MATCAP2: variants seen among roughly 807,000 people sequenced by gnomAD.
MATCAP2 encodes the protein putative tyrosine carboxypeptidase MATCAP2.
chr7:36,335,505 A>G, the MATCAP2 span, among the ~76,000 whole-genome samples: 1 of 152,256 alleles, frequency 6.6e-6, no homozygotes, highest in Non-Finnish European at 1.5e-5. Context: ...TACAGGTGCC[A>G]GAATCCAGCT....
the MATCAP2 span, among the ~76,000 whole-genome samples, chr7:36,332,441 G>A: frequency 3.2e-4 from 48 of 152,270 alleles, no homozygotes; most frequent in Admixed American, 3.1e-3. Flanking sequence ...CCTGGAATTG[G>A]CTATGCACAC....
the MATCAP2 span, among the ~76,000 whole-genome samples, chr7:36,350,743 G>C: frequency 1.3e-5 from 2 of 152,036 alleles, no homozygotes; most frequent in Non-Finnish European, 2.9e-5. Flanking sequence ...GGTTTCACTA[G>C]GCTGGCCAGG....
the MATCAP2 span, among the ~76,000 whole-genome samples, chr7:36,361,531 C>T: frequency 7.4e-4 from 113 of 152,148 alleles, no homozygotes; most frequent in African/African-American, 2.6e-3. Flanking sequence ...AAAAGAAAGG[C>T]CAAAACAAAA....
chr7:36,361,636 G>A, the MATCAP2 span, among the ~76,000 whole-genome samples: 1 of 152,160 alleles, frequency 6.6e-6, no homozygotes. Flanking sequence ...CATGCCTGTA[G>A]TCCCAGCTAT....
chr7:36,389,641 C>T, the MATCAP2 span, among the ~76,000 whole-genome samples: 2 of 152,122 alleles, frequency 1.3e-5, no homozygotes, highest in Non-Finnish European at 1.5e-5. Context: ...AGCCAGGAAC[C>T]CGACGCCGTT....
At chr7:36,369,831 T>C in the MATCAP2 span, among the ~76,000 whole-genome samples, 3 of 152,180 alleles carry the variant, frequency 2.0e-5, no homozygotes, top group Admixed American at 6.5e-5. Flanking sequence ...TGCATTCTAA[T>C]TTCAACACTT....
At chr7:36,346,744 G>A in the MATCAP2 span, among the ~76,000 whole-genome samples, 1 of 152,106 alleles carries the variant, frequency 6.6e-6, no homozygotes, top group Non-Finnish European at 1.5e-5. Flanking sequence ...CCACTGAACT[G>A]TACTCTAGTT....
chr7:36,336,181 G>A, the MATCAP2 span: 7 of 1,536,132 alleles, frequency 4.6e-6, no homozygotes, highest in Non-Finnish European at 4.4e-6. Flanking sequence ...CCTTCATCAT[G>A]TACTTCCTAA....
chr7:36,375,113 A>G, the MATCAP2 span, among the ~76,000 whole-genome samples: 1 of 152,204 alleles, frequency 6.6e-6, no homozygotes, highest in Non-Finnish European at 1.5e-5. Context: ...AGGAATCGCC[A>G]CACTGTCTTC....
At chr7:36,353,838 T>G in the MATCAP2 span, among the ~76,000 whole-genome samples, 1 of 152,194 alleles carries the variant, frequency 6.6e-6, no homozygotes, top group African/African-American at 2.4e-5. Context: ...TACATTTTTC[T>G]TTATTAGAAT....
chr7:36,357,789 G>A, the MATCAP2 span, among the ~76,000 whole-genome samples: 2 of 152,132 alleles, frequency 1.3e-5, no homozygotes, highest in Non-Finnish European at 2.9e-5. Flanking sequence ...TCTTCTCTAT[G>A]AGTATATATA....
At chr7:36,374,723 G>A in the MATCAP2 span, among the ~76,000 whole-genome samples, 15 of 151,984 alleles carry the variant, frequency 9.9e-5, no homozygotes, top group African/African-American at 1.5e-4. Flanking sequence ...GGTGTGTGAC[G>A]TTCCCCACCT....
the MATCAP2 span, among the ~76,000 whole-genome samples, chr7:36,349,336 C>G: frequency 2.0e-5 from 3 of 152,020 alleles, no homozygotes; most frequent in African/African-American, 7.2e-5. Context: ...AGAAACAGAC[C>G]AAAATATTTC....
the MATCAP2 span, among the ~76,000 whole-genome samples, chr7:36,335,526 A>C: frequency 3.3e-5 from 5 of 152,270 alleles, no homozygotes; most frequent in Admixed American, 3.3e-4. Context: ...CATTGGCAGC[A>C]CCAAGGCTTT....
At chr7:36,348,338 G>C in the MATCAP2 span, among the ~76,000 whole-genome samples, 1 of 152,154 alleles carries the variant, frequency 6.6e-6, no homozygotes, top group South Asian at 2.1e-4. Context: ...TGGGACAGTG[G>C]TAGTCACACA....
the MATCAP2 span, chr7:36,366,935 C>G: frequency 7.2e-7 from 1 of 1,386,588 alleles, no homozygotes; most frequent in Middle Eastern, 2.4e-4. Context: ...GAATGGACTC[C>G]AGCATCGTCG....
chr7:36,361,666 A>C, the MATCAP2 span, among the ~76,000 whole-genome samples: 9 of 152,334 alleles, frequency 5.9e-5, no homozygotes, highest in Admixed American at 5.2e-4. Flanking sequence ...TGAGGCTGGA[A>C]GACTACTTGA....
chr7:36,326,164 C>T, the MATCAP2 span: 1 of 151,916 alleles, frequency 6.6e-6, no homozygotes, highest in African/African-American at 2.4e-5. Flanking sequence ...AATTTAGTTC[C>T]TATAAGCTGA....
At chr7:36,352,396 T>TAAA in the MATCAP2 span, among the ~76,000 whole-genome samples, 299 of 106,172 alleles carry the variant, frequency 2.8e-3, 3 homozygotes, top group East Asian at 0.028. Context: ...GACTCCATCT[T>TAAA]AAAAAAAAAA....
Sources: allele counts gnomAD v4.1 joint callset (sites outside exome capture counted in the v4.1 genomes callset), GRCh38; gene constraint gnomAD v4.1.1; transcripts MANE v1.5; gene names NCBI Gene and HGNC (gene_info 2026-07-23, HGNC 2026-07-21).